FREM1: variants seen among roughly 807,000 people sequenced by gnomAD.
FREM1 encodes the protein FRAS1-related extracellular matrix protein 1.
FREM1 carries 220 observed loss-of-function variants against 210.1 expected under a neutral mutation model. The observed-to-expected ratio is 1.05, with a 90% CI of 0.94 to 1.17. The LOEUF (loss-of-function observed/expected upper bound fraction) is 1.17. Among genes scored for constraint, FREM1 ranks in the 50% most tolerant of loss-of-function variants. The pLI is 0.00. For missense variants in FREM1, 3,454 were observed against 2,675.5 expected, an observed-to-expected ratio of 1.29 and a Z score of -6.42; for synonymous variants, 1,189 against 980.2, an observed-to-expected ratio of 1.21 and a Z score of -3.98.
chr9:14,871,017 G>C (rs1387399267), intron 1 of FREM1, among the ~76,000 whole-genome samples: 1 of 151,922 alleles, frequency 6.6e-6, no homozygotes, highest in Non-Finnish European at 1.5e-5. Context: ...GTATTCCATG[G>C]TGTATATGTG....
chr9:14,906,946 T>C (rs1287032847), intron 1 of FREM1, among the ~76,000 whole-genome samples: 1 of 152,198 alleles, frequency 6.6e-6, no homozygotes, highest in Admixed American at 6.5e-5. Flanking sequence ...AAAAGTGACA[T>C]GCAATCTTAG....
At chr9:14,886,512 C>T (rs1588598352) in intron 1 of FREM1, among the ~76,000 whole-genome samples, 1 of 151,210 alleles carries the variant, frequency 6.6e-6, no homozygotes, top group Non-Finnish European at 1.5e-5. Context: ...AAATCCTCAA[C>T]AAGATGGTGA....
At position 14,819,429 on chromosome 9, in the gene FREM1, G is replaced by A; in HGVS notation, c.2351C>T (p.Pro784Leu). Residue 784 changes from proline to leucine, a missense_variant, in exon 14 of 37, where the codon CCT becomes CTT. Physicochemically the swap from Pro to Leu is moderately conservative, Grantham distance 98. Transcript: ENST00000380880. ...DNQVPEAFTN[P>L]LKVTEGGQSI... ...TTGACCTCCCTCAGTCACTTTCAGA[G>A]GGTTGGTGAACGCCTAGAAAGAAGA... The A allele has an allele frequency of 6.2e-7, 1 of 1,611,136 alleles. No individual in the cohort carries two copies. The highest frequency in any genetic ancestry group is 8.5e-7 in the Non-Finnish European group (1 of 1,177,750).
At chr9:14,862,665 C>A (rs1355247894) in intron 3 of FREM1, among the ~76,000 whole-genome samples, 7 of 152,160 alleles carry the variant, frequency 4.6e-5, no homozygotes, top group Non-Finnish European at 1.0e-4. Context: ...CCTCTGGCAA[C>A]CACTAATCTA....
Position 14,789,056 on chromosome 9 carries a change from T to C in FREM1, c.4040A>G (p.Asp1347Gly). 2 of 1,608,426 alleles carry C rather than the reference T, an allele frequency of 1.2e-6. No homozygotes were observed. The highest frequency in any genetic ancestry group is 2.2e-5 in the South Asian group (2 of 89,600). Residue 1347 changes from aspartate (D) to glycine (G), a missense_variant, in exon 23 of 37, where the codon GAT (aspartate) becomes GGT (glycine). Transcript: ENST00000380880. The stretch of plus-strand genomic sequence containing the variant: ...GTGTGTGTATCTCAGCAAGTTCAGA[T>C]CCACTTCCTCCTGAGTGCATTTCAT... ...PGMKCTQEEV[D>G]LNLLRYTHTG...
At chr9:14,845,254 T>C (rs1197693055) in intron 8 of FREM1, among the ~76,000 whole-genome samples, 1 of 152,220 alleles carries the variant, frequency 6.6e-6, no homozygotes, top group East Asian at 1.9e-4. Flanking sequence ...CTACTACTAA[T>C]AACATAACAT....
chr9:14,822,825 C>A (rs1821629224), intron 13 of FREM1, among the ~76,000 whole-genome samples: 1 of 152,162 alleles, frequency 6.6e-6, no homozygotes, highest in South Asian at 2.1e-4. Flanking sequence ...TAAGCCCTTC[C>A]AGTGGCTAAG....
chr9:14,780,647 C>G (rs1158391530), intron 24 of FREM1, among the ~76,000 whole-genome samples: 1 of 152,078 alleles, frequency 6.6e-6, no homozygotes, highest in East Asian at 1.9e-4. Context: ...AAGGTAAAAT[C>G]TGACTATTAA....
At chr9:14,759,253 T>C (rs147795105) in intron 28 of FREM1, among the ~76,000 whole-genome samples, 251 of 152,302 alleles carry the variant, frequency 1.6e-3, no homozygotes, top group African/African-American at 5.6e-3. Flanking sequence ...CTCACGCTTG[T>C]AATCCCAGCA....
At chr9:14,907,432 T>C (rs1258186632) in intron 1 of FREM1, among the ~76,000 whole-genome samples, 1 of 152,184 alleles carries the variant, frequency 6.6e-6, no homozygotes, top group Non-Finnish European at 1.5e-5. Context: ...GCACAAAAGC[T>C]GTTGAATCAC....
chr9:14,742,811 G>C (rs1181416009), intron 35 of FREM1, among the ~76,000 whole-genome samples: 1 of 151,990 alleles, frequency 6.6e-6, no homozygotes, highest in Non-Finnish European at 1.5e-5. Context: ...AATCTACTTT[G>C]GGTTACCTCA....
intron 1 of FREM1, among the ~76,000 whole-genome samples, chr9:14,897,515 T>C (rs1837949130): frequency 6.6e-6 from 1 of 151,876 alleles, no homozygotes; most frequent in Admixed American, 6.6e-5. Flanking sequence ...TAGTATCATA[T>C]ACTGAGATGT....
chr9:14,843,742 C>T (rs1386624930), intron 8 of FREM1, among the ~76,000 whole-genome samples: 1 of 149,452 alleles, frequency 6.7e-6, no homozygotes, highest in African/African-American at 2.5e-5. Flanking sequence ...AGCCTCAGTA[C>T]CATCTGGAAA....
At chr9:14,881,361 G>A (rs1243712349) in intron 1 of FREM1, among the ~76,000 whole-genome samples, 2 of 151,964 alleles carry the variant, frequency 1.3e-5, no homozygotes, top group African/African-American at 4.8e-5. Context: ...CACTTTTACA[G>A]CCAATCTGGG....
At chr9:14,820,332 G>C (rs1267143428) in intron 13 of FREM1, among the ~76,000 whole-genome samples, 1 of 152,146 alleles carries the variant, frequency 6.6e-6, no homozygotes, top group Non-Finnish European at 1.5e-5. Flanking sequence ...AGATACAGTG[G>C]GGTACCAAAT....
intron 10 of FREM1, among the ~76,000 whole-genome samples, chr9:14,827,233 G>C (rs1031942299): frequency 6.6e-6 from 1 of 152,152 alleles, no homozygotes; most frequent in Admixed American, 6.5e-5. Context: ...AACATTGGTA[G>C]ACATACAAAC....
rs1554644387 is a variant in FREM1, at chr9:14,759,518, C to CAACAATAATAATAATAATAAT, written c.5334+253_5334+254insATTATTATTATTATTATTGTT. On this transcript the variant is annotated intron_variant, in intron 28 of 36. Transcript: ENST00000380880. Reference sequence around the variant, plus strand: ...AGAGCGAGACTTTGTCTCAAAATAACAATAATAATAATAATATCTCTTGTG... The same window carrying CAACAATAATAATAATAATAAT: ...AGAGCGAGACTTTGTCTCAAAATAACAACAATAATAATAATAATAATAATAATAATAATAATATCTCTTGTG... 7.0e-5 allele frequency among the ~76,000 whole-genome samples: 10 copies of CAACAATAATAATAATAATAAT among 143,044 alleles called. No individual in the cohort carries two copies. In the East Asian group the frequency reaches 8.2e-4, roughly 12 times the overall value. 93.8% of individuals were successfully genotyped at this position (143,044 alleles called of 152,430 possible).
chr9:14,849,562 G>A (rs1827291091), intron 6 of FREM1, among the ~76,000 whole-genome samples: 1 of 152,192 alleles, frequency 6.6e-6, no homozygotes, highest in African/African-American at 2.4e-5. Flanking sequence ...AAGAGGATAA[G>A]ATAAATAATC....
At chr9:14,790,116 G>A (rs187745803) in intron 22 of FREM1, among the ~76,000 whole-genome samples, 1,901 of 152,178 alleles carry the variant, frequency 0.012, 26 homozygotes, top group South Asian at 0.045. Context: ...AAACAATGGG[G>A]GCTCTGGTAC....
Sources: allele counts gnomAD v4.1 joint callset (sites outside exome capture counted in the v4.1 genomes callset), GRCh38; gene constraint gnomAD v4.1.1; transcripts MANE v1.5; gene names NCBI Gene and HGNC (gene_info 2026-07-23, HGNC 2026-07-21).